SVEP1: variants seen among roughly 807,000 people sequenced by gnomAD.
SVEP1 encodes sushi, von Willebrand factor type A, EGF and pentraxin domain-containing protein 1.
In SVEP1, 164 loss-of-function variants were observed where a neutral mutation model predicts 367.3. The ratio of observed to expected loss-of-function variants is 0.45; its 90% CI spans 0.39 to 0.51. SVEP1 has a LOEUF of 0.51. Ranked by LOEUF, SVEP1 falls within the 20% of genes least tolerant of loss-of-function variation. The probability of loss-of-function intolerance (pLI) is 0.00; values close to 1 mark genes in which losing one functional copy is unlikely to be tolerated. For missense variants in SVEP1, 4,117 were observed against 4,425.3 expected (o/e 0.93, Z 1.98); for synonymous variants, 1,666 against 1,611.6 (o/e 1.03, Z -0.81).
Position 110,579,369 on chromosome 9 carries a change from T to G in SVEP1, c.175A>C (p.Ser59Arg). Residue 59 changes from serine (S) to arginine (R), a missense_variant, in exon 1 of 48, where the codon AGC becomes CGC. By Grantham distance (110) the Ser-to-Arg change is moderately radical. Coordinates refer to ENST00000374469, the MANE Select transcript of SVEP1 (RefSeq NM_153366.4). This position sits in a 1 kb window ranked among gnomAD's most constrained non-coding sequence, Gnocchi z 5.3. ...PPAPGDEAAGSRVERLGQAFR... is the reference protein window; with the variant it reads ...PPAPGDEAAGRRVERLGQAFR... Reference sequence around the variant, plus strand: ...GCCTGGCCCAGCCGCTCCACTCTGCTCCCCGCCGCTTCGTCGCCAGGAGCG... The same window carrying G: ...GCCTGGCCCAGCCGCTCCACTCTGCGCCCCGCCGCTTCGTCGCCAGGAGCG... 1 of 1,554,240 alleles carries G rather than the reference T, an allele frequency of 6.4e-7. No individual in the cohort carries two copies. The highest frequency in any genetic ancestry group is 8.7e-7 in the Non-Finnish European group (1 of 1,150,130).
At chr9:110,427,555 C>T (rs1828274394) in intron 36 of SVEP1, 36 bp downstream of exon 36, 2 of 1,591,782 alleles carry the variant, frequency 1.3e-6, no homozygotes, top group East Asian at 2.2e-5. Flanking sequence ...ACTTCCTTGG[C>T]TCTCAATGAT....
At position 110,366,564 on chromosome 9, in the gene SVEP1, GAAAAAA is replaced by G; in HGVS notation, c.10695-10_10695-5del. 2 of 1,413,486 alleles carry G rather than the reference GAAAAAA, an allele frequency of 1.4e-6. No homozygotes were observed. The highest frequency in any genetic ancestry group is 9.4e-7 in the Non-Finnish European group (1 of 1,063,916). The allele number at this position is 1,413,486 out of a possible 1,614,324, so 87.6% of individuals were successfully genotyped here. A position where few individuals can be genotyped will look rare whatever the true frequency, so the allele number is the denominator to read the frequency against. ...TTAAAACCCAGTCCTCCTTTTCCTGGAAAAAAAAAAAAAAGCAACCAAATAGATTCA... is the reference window on the plus strand; with the variant it reads ...TTAAAACCCAGTCCTCCTTTTCCTGGAAAAAAAAGCAACCAAATAGATTCA... On this transcript the variant is annotated splice_region_variant and splice_polypyrimidine_tract_variant and intron_variant, in intron 47 of 47. Coordinates refer to ENST00000374469, the MANE Select transcript of SVEP1 (RefSeq NM_153366.4).
At chr9:110,406,109 A>G in intron 38 of SVEP1, 51 bp downstream of exon 38, 5 of 1,502,858 alleles carry the variant, frequency 3.3e-6, no homozygotes, top group Non-Finnish European at 4.4e-6. Flanking sequence ...ATCACATTTC[A>G]TTTCATAATC....
intron 11 of SVEP1, 95 bp from the exon 12 acceptor site, chr9:110,481,531 C>G: frequency 1.8e-6 from 1 of 552,426 alleles, no homozygotes; most frequent in Non-Finnish European, 2.4e-6. Context: ...AGGACTCCTC[C>G]TGTCTATCGC....
At chr9:110,494,274 T>C (rs558955523) in intron 8 of SVEP1, among the ~76,000 whole-genome samples, 19 of 152,200 alleles carry the variant, frequency 1.2e-4, no homozygotes, top group Admixed American at 3.3e-4. Flanking sequence ...CGGGGAGGCA[T>C]AGAAGGGGGA....
At chr9:110,545,870 T>G (rs965153059) in intron 3 of SVEP1, among the ~76,000 whole-genome samples, 1 of 152,132 alleles carries the variant, frequency 6.6e-6, no homozygotes, top group Non-Finnish European at 1.5e-5. Flanking sequence ...CAAAGCCATT[T>G]TAGGTCAGAC....
chr9:110,428,484 A>G (rs1012347458), intron 35 of SVEP1, among the ~76,000 whole-genome samples: 1 of 152,016 alleles, frequency 6.6e-6, no homozygotes, highest in African/African-American at 2.4e-5. Flanking sequence ...ATGCTTTTTC[A>G]TAACATTCCA....
At chr9:110,518,043 C>T (rs1829828738) in intron 3 of SVEP1, among the ~76,000 whole-genome samples, 1 of 152,044 alleles carries the variant, frequency 6.6e-6, no homozygotes, top group African/African-American at 2.4e-5. Flanking sequence ...AGAGAATTAT[C>T]AGGCTTTCAG....
chr9:110,575,190 A>G (rs1479685209), intron 1 of SVEP1, among the ~76,000 whole-genome samples: 1 of 152,250 alleles, frequency 6.6e-6, no homozygotes, highest in East Asian at 1.9e-4. Flanking sequence ...CAGGCTGAAG[A>G]GCAGCACTGG....
intron 5 of SVEP1, among the ~76,000 whole-genome samples, chr9:110,512,508 G>A (rs1199489390): frequency 2.0e-5 from 3 of 152,084 alleles, no homozygotes; most frequent in Non-Finnish European, 2.9e-5. Flanking sequence ...TCGACTAGCC[G>A]AAGTAAAGGC....
At chr9:110,443,967 G>C (rs1381791583) in intron 26 of SVEP1, among the ~76,000 whole-genome samples, 1 of 152,252 alleles carries the variant, frequency 6.6e-6, no homozygotes, top group South Asian at 2.1e-4. Context: ...GTAGGAAAAA[G>C]TCTTAGGATG....
intron 1 of SVEP1, among the ~76,000 whole-genome samples, chr9:110,578,422 C>G (rs1830651604): frequency 6.6e-6 from 1 of 151,640 alleles, no homozygotes; most frequent in Non-Finnish European, 1.5e-5. Context: ...CACTGGCTTG[C>G]TATTATGTGT....
chr9:110,440,314 C>A (rs1828494362), intron 27 of SVEP1, among the ~76,000 whole-genome samples: 1 of 152,192 alleles, frequency 6.6e-6, no homozygotes, highest in Non-Finnish European at 1.5e-5. Context: ...CTTCCTCACA[C>A]AAACCCCATT....
intron 36 of SVEP1, among the ~76,000 whole-genome samples, chr9:110,414,709 G>T (rs1352238929): frequency 6.6e-6 from 1 of 151,856 alleles, no homozygotes; most frequent in Admixed American, 6.6e-5. Context: ...CATGTGCCTG[G>T]AGAGCTTTAT....
intron 36 of SVEP1, among the ~76,000 whole-genome samples, chr9:110,412,543 T>C (rs1411795683): frequency 1.3e-5 from 2 of 151,720 alleles, no homozygotes; most frequent in Non-Finnish European, 1.5e-5. Context: ...AATTGACAAA[T>C]GGGATCTAAT....
chr9:110,389,731 C>G (rs1827597472), intron 40 of SVEP1, 144 bp from the exon 41 acceptor site: 1 of 815,126 alleles, frequency 1.2e-6, no homozygotes. Flanking sequence ...TTTTGAAAGT[C>G]TAAATCTACT....
chr9:110,439,322 A>G (rs763979084), intron 27 of SVEP1, among the ~76,000 whole-genome samples: 1 of 152,182 alleles, frequency 6.6e-6, no homozygotes, highest in Non-Finnish European at 1.5e-5. Flanking sequence ...CTCACCAGGA[A>G]CCAACCATAC....
chr9:110,440,118 C>T (rs998994299), intron 27 of SVEP1, among the ~76,000 whole-genome samples: 2 of 152,272 alleles, frequency 1.3e-5, no homozygotes, highest in Non-Finnish European at 2.9e-5. Context: ...CTTGATAATG[C>T]CATTTCCTTT....
At chr9:110,512,887 A>C (rs1829742252) in intron 5 of SVEP1, 39 bp downstream of exon 5, 12 of 1,611,500 alleles carry the variant, frequency 7.4e-6, no homozygotes, top group Non-Finnish European at 1.0e-5. Context: ...AAATCAGGCA[A>C]GACAGTAAAT....
Sources: allele counts gnomAD v4.1 joint callset (sites outside exome capture counted in the v4.1 genomes callset), GRCh38; gene constraint gnomAD v4.1.1; non-coding constraint Gnocchi (gnomAD v3.1); transcripts MANE v1.5; gene names NCBI Gene and HGNC (gene_info 2026-07-23, HGNC 2026-07-21).